The following AOPEP variants were observed in gnomAD, a reference collection of about 807,000 sequenced individuals.
AOPEP encodes the protein aminopeptidase O (putative), also known as aminopeptidase O.
A neutral mutation model predicts 98.1 loss-of-function variants in AOPEP; 77 were observed. The ratio of observed to expected loss-of-function variants is 0.78; its 90% confidence interval spans 0.65 to 0.95. The LOEUF is 0.95. AOPEP is among the 40% of genes least tolerant of loss of function. AOPEP has a pLI of 0.00. For missense variants in AOPEP, 1,024 were observed against 1,024.7 expected (o/e 1.00, Z 0.01); for synonymous variants, 346 against 365.3 (o/e 0.95, Z 0.60).
Position 94,759,737 on chromosome 9 carries a change from A to G in AOPEP, c.-47A>G. 7.0e-7 allele frequency: 1 copy of G among 1,424,094 alleles called. No individual in the cohort carries two copies. The highest frequency in any genetic ancestry group is 9.7e-7 in the Non-Finnish European group (1 of 1,034,594). 88.2% of individuals were successfully genotyped at this position (1,424,094 alleles called of 1,614,324 possible). On this transcript the variant is annotated 5_prime_UTR_variant, in exon 2 of 17. Transcript: ENST00000375315. The stretch of plus-strand genomic sequence containing the variant: ...TTCTGGAAGATTAAGGCAGATAGGA[A>G]ACCCCATCTGAGATTTTAATAAATC...
chr9:94,969,397 T>C (rs895431089), intron 10 of AOPEP, among the ~76,000 whole-genome samples: 2 of 151,882 alleles, frequency 1.3e-5, no homozygotes, highest in African/African-American at 4.8e-5. Flanking sequence ...AAAAAGTGAA[T>C]ACCCTGAAAC....
chr9:94,812,363 C>T (rs1850793076), intron 5 of AOPEP, among the ~76,000 whole-genome samples: 1 of 152,096 alleles, frequency 6.6e-6, no homozygotes, highest in South Asian at 2.1e-4. Context: ...AGAGGAAGAC[C>T]AGTGCTTGCC....
rs1330920647 is a variant in AOPEP at position 94,760,478 on chromosome 9, CA to C, written c.696del (p.Ala234LeufsTer43). On this transcript the variant is annotated frameshift_variant, in exon 2 of 17. Coordinates refer to ENST00000375315, the MANE Select transcript of AOPEP (RefSeq NM_001193329.3). LOFTEE classifies it high-confidence loss of function. The part of the protein sequence containing the change: ...TDTWSLQIRK[T>X]GAQTATDFPH... Reference sequence around the variant, plus strand: ...ACTTGGAGCTTGCAGATAAGGAAGACAGGGGCTCAGACAGCTACTGACTTTC... The same window carrying C: ...ACTTGGAGCTTGCAGATAAGGAAGACGGGGCTCAGACAGCTACTGACTTTC... 1 of 1,613,116 alleles carries C rather than the reference CA, an allele frequency of 6.2e-7. No homozygotes were observed. Among genetic ancestry groups the C allele is most frequent in the African/African-American group, 1.3e-5 (1 of 74,854 alleles).
intron 13 of AOPEP, among the ~76,000 whole-genome samples, 176 bp from the exon 14 acceptor site, chr9:95,060,518 C>T (rs565025916): frequency 1.3e-5 from 2 of 152,340 alleles, no homozygotes; most frequent in Non-Finnish European, 1.5e-5. Context: ...TTTGGGAATA[C>T]AGACAATGTA....
intron 13 of AOPEP, among the ~76,000 whole-genome samples, chr9:95,013,118 TC>T (rs2062693390): frequency 6.6e-6 from 1 of 151,976 alleles, no homozygotes. Flanking sequence ...ACCTTTGCTT[TC>T]CTCTGAAAAT....
chr9:94,737,293 G>A (rs957421443), intron 1 of AOPEP, among the ~76,000 whole-genome samples: 1 of 152,090 alleles, frequency 6.6e-6, no homozygotes, highest in African/African-American at 2.4e-5. Flanking sequence ...TTCTTTTGTA[G>A]AGATGGGGGT....
chr9:95,094,322 T>C, the AOPEP span, among the ~76,000 whole-genome samples: 1 of 152,228 alleles, frequency 6.6e-6, no homozygotes, highest in African/African-American at 2.4e-5. Context: ...ATCTTAGTGC[T>C]TTTATTACAG....
the AOPEP span, chr9:95,149,771 AC>A: frequency 1.1e-6 from 1 of 915,620 alleles, no homozygotes; most frequent in Non-Finnish European, 1.7e-6. Context: ...GAGCCACCAC[AC>A]CTGGCCGGGA....
rs772876595 is a variant in AOPEP at position 94,792,756 on chromosome 9, T to G, written c.965-9T>G. On this transcript the variant is annotated splice_polypyrimidine_tract_variant and intron_variant, in intron 3 of 16. Coordinates refer to ENST00000375315, the MANE Select transcript of AOPEP (RefSeq NM_001193329.3). The stretch of plus-strand genomic sequence containing the variant: ...GGCCTCATTATGGTTTTTCTCTTCC[T>G]GTTTACAGAGTGCTCAAGCTGGTAT... The G allele has an allele frequency of 2.5e-6, 4 of 1,584,298 alleles. No homozygotes were observed. Among genetic ancestry groups the G allele is most frequent in the Non-Finnish European group, 3.4e-6 (4 of 1,161,736 alleles).
chr9:94,881,809 AATCTT>A (rs1236663726), intron 5 of AOPEP, among the ~76,000 whole-genome samples: 1 of 152,134 alleles, frequency 6.6e-6, no homozygotes, highest in African/African-American at 2.4e-5. Flanking sequence ...TGTGTGGAAA[AATCTT>A]AGGAATTGAA....
At chr9:95,101,867 A>G in the AOPEP span, 1 of 1,613,624 alleles carries the variant, frequency 6.2e-7, no homozygotes, top group Non-Finnish European at 8.5e-7. Context: ...TCAGGACAGA[A>G]GAGAAGGCAA....
intron 9 of AOPEP, among the ~76,000 whole-genome samples, chr9:94,960,992 C>T (rs1047100516): frequency 4.2e-5 from 6 of 141,742 alleles, no homozygotes; most frequent in Non-Finnish European, 9.0e-5. Context: ...CCGGCCTGGG[C>T]GACAGAGCGA....
intron 2 of AOPEP, among the ~76,000 whole-genome samples, chr9:94,764,163 A>G (rs931425617): frequency 1.3e-5 from 2 of 152,230 alleles, no homozygotes; most frequent in Non-Finnish European, 2.9e-5. Context: ...TGAAAATGGC[A>G]TCTTTGTGGT....
chr9:95,082,884 T>A (rs182510097), intron 16 of AOPEP, 165 bp downstream of exon 16: 10 of 734,592 alleles, frequency 1.4e-5, no homozygotes, highest in Middle Eastern at 3.9e-4. Context: ...GGTGCTGGGC[T>A]GGTATGGGAG....
chr9:94,952,623 T>C (rs1481290865), intron 7 of AOPEP, among the ~76,000 whole-genome samples: 2 of 152,184 alleles, frequency 1.3e-5, no homozygotes, highest in Non-Finnish European at 2.9e-5. Context: ...CGGTACTTTG[T>C]CTCTCTACGC....
chr9:94,957,890 A>G (rs114323143), intron 9 of AOPEP, among the ~76,000 whole-genome samples: 4,368 of 152,236 alleles, frequency 0.029, 231 homozygotes, highest in African/African-American at 0.1. Context: ...TTTTATTTTA[A>G]TGTTCATTTA....
At chr9:94,776,565 G>A (rs748785785) in intron 3 of AOPEP, among the ~76,000 whole-genome samples, 1 of 152,226 alleles carries the variant, frequency 6.6e-6, no homozygotes, top group Non-Finnish European at 1.5e-5. Context: ...GCCTCCCAAA[G>A]TGCTAAGATT....
At chr9:94,891,232 AAT>A (rs2048842958) in intron 5 of AOPEP, among the ~76,000 whole-genome samples, 1 of 152,240 alleles carries the variant, frequency 6.6e-6, no homozygotes, top group Admixed American at 6.5e-5. Flanking sequence ...ATCTGATAGT[AAT>A]ATAGCCACTC....
chr9:94,912,190 GT>G (rs2052149316), intron 5 of AOPEP, among the ~76,000 whole-genome samples: 4 of 152,356 alleles, frequency 2.6e-5, no homozygotes, highest in Admixed American at 2.6e-4. Context: ...AGAGCCAGGA[GT>G]TGACCCCCAG....
Sources: gnomAD v4.1 joint callset for allele counts (sites outside exome capture counted in the v4.1 genomes callset) on GRCh38, gnomAD v4.1.1 for gene constraint, MANE v1.5 for transcripts, NCBI Gene and HGNC (gene_info 2026-07-23, HGNC 2026-07-21) for gene names.